Variants in CCR5AS observed in about 807,000 individuals in gnomAD.
CCR5AS encodes CCR5 antisense RNA.
At chr3:46,379,474 T>C (rs188531041) in intron 2 of CCR5AS, among the ~76,000 whole-genome samples, 61 of 152,280 alleles carry the variant, frequency 4.0e-4, no homozygotes, top group Middle Eastern at 3.4e-3. Flanking sequence ...ATTATTGTTA[T>C]TGTAACTGAA....
rs563908457 is a variant in CCR5AS at position 46,387,192 on chromosome 3, A to G, written n.391+5633T>C. 2.0e-4 allele frequency among the ~76,000 whole-genome samples: 30 copies of G among 152,312 alleles called. 1 individual carries two copies. Among genetic ancestry groups the G allele is most frequent in the African/African-American group, 7.0e-4 (29 of 41,568 alleles). On this transcript the variant is annotated intron_variant and non_coding_transcript_variant, in intron 2 of 3. Coordinates refer to ENST00000451485, the Ensembl canonical transcript of CCR5AS. Reference sequence around the variant, plus strand: ...AGTGTGTACTACCCAAGATGAGTCAATCGGATCCTAGCTTCCAGAAATCGT... The same window carrying G: ...AGTGTGTACTACCCAAGATGAGTCAGTCGGATCCTAGCTTCCAGAAATCGT...
rs558114364 is a variant in CCR5AS, at chr3:46,406,733, G to A, written n.163+164C>T. Among the ~76,000 whole-genome samples the A allele has an allele frequency of 5.9e-5, 9 of 152,192 alleles. No individual in the cohort carries two copies. The South Asian group carries it at 1.9e-3, about 32-fold the overall frequency. ...GCTTTCCTCAGTGTTGACACCCAGG[G>A]CAGCCCTATGCTCACTGCCGCTGAG... On this transcript the variant is annotated intron_variant and non_coding_transcript_variant, in intron 1 of 3. Coordinates refer to ENST00000451485, the Ensembl canonical transcript of CCR5AS.
At chr3:46,367,562 T>C (rs1467251816) in intron 3 of CCR5AS, among the ~76,000 whole-genome samples, 2 of 152,198 alleles carry the variant, frequency 1.3e-5, no homozygotes, top group African/African-American at 4.8e-5. Context: ...GGTTTTATAA[T>C]TAGACATTTT....
chr3:46,366,078 C>A (rs1701595705), intron 3 of CCR5AS, among the ~76,000 whole-genome samples: 1 of 152,218 alleles, frequency 6.6e-6, no homozygotes, highest in South Asian at 2.1e-4. Context: ...CCCACTTCTA[C>A]AATCCATTCA....
chr3:46,379,575 G>A (rs1035967636), intron 2 of CCR5AS, among the ~76,000 whole-genome samples: 2 of 152,126 alleles, frequency 1.3e-5, no homozygotes, highest in African/African-American at 2.4e-5. Flanking sequence ...CCTCCTTCAG[G>A]GAAGAGGTGC....
intron 2 of CCR5AS, among the ~76,000 whole-genome samples, chr3:46,382,777 G>A (rs977755964): frequency 2.0e-5 from 3 of 152,202 alleles, no homozygotes; most frequent in Non-Finnish European, 4.4e-5. Context: ...GACAGTGTGA[G>A]TCTGGCATAT....
chr3:46,368,112 G>A (rs922370245), intron 3 of CCR5AS, among the ~76,000 whole-genome samples: 3 of 152,168 alleles, frequency 2.0e-5, no homozygotes, highest in South Asian at 2.1e-4. Flanking sequence ...GTGTGAGCAA[G>A]GAGACAGCAA....
At chr3:46,396,706 TC>T (rs1701964666) in intron 1 of CCR5AS, among the ~76,000 whole-genome samples, 1 of 152,118 alleles carries the variant, frequency 6.6e-6, no homozygotes, top group Non-Finnish European at 1.5e-5. Context: ...TCCCCTCAAT[TC>T]CTAATTCCTT....
intron 3 of CCR5AS, among the ~76,000 whole-genome samples, chr3:46,370,039 A>G (rs186785168): frequency 3.9e-5 from 6 of 152,270 alleles, no homozygotes; most frequent in Admixed American, 6.5e-5. Context: ...AGATTTTCAG[A>G]TGTCACCAAC....
chr3:46,394,279 G>A (rs1701940558), intron 1 of CCR5AS, among the ~76,000 whole-genome samples: 2 of 152,166 alleles, frequency 1.3e-5, no homozygotes, highest in East Asian at 1.9e-4. Flanking sequence ...TGTGGCTGAG[G>A]AGCCCTGCTC....
At chr3:46,396,074 A>C (rs1281475146) in intron 1 of CCR5AS, among the ~76,000 whole-genome samples, 1 of 152,246 alleles carries the variant, frequency 6.6e-6, no homozygotes, top group Non-Finnish European at 1.5e-5. Flanking sequence ...CCCAGACTGA[A>C]GACCAGGACC....
In CCR5AS at chr3:46,381,949, ATTAT is replaced by A. The variant is rs748218308; in HGVS notation, n.392-10536_392-10533del. Reference sequence around the variant, plus strand: ...TTACTGATACAGGAGCTAAAAAGAAATTATTTAGGTGGTTAGTGAGGGTCAGAGA... The same window carrying A: ...TTACTGATACAGGAGCTAAAAAGAAATTAGGTGGTTAGTGAGGGTCAGAGA... On this transcript the variant is annotated intron_variant and non_coding_transcript_variant, in intron 2 of 3. Coordinates refer to ENST00000451485, the Ensembl canonical transcript of CCR5AS. 4.6e-5 allele frequency among the ~76,000 whole-genome samples: 7 copies of A among 152,332 alleles called. No individual in the cohort carries two copies. The South Asian group carries it at 1.4e-3, about 32-fold the overall frequency.
At chr3:46,394,930 A>C (rs1365177380) in intron 1 of CCR5AS, among the ~76,000 whole-genome samples, 2 of 152,130 alleles carry the variant, frequency 1.3e-5, no homozygotes, top group Admixed American at 1.3e-4. Context: ...GAGGAGTTTC[A>C]AGATAGGGAG....
intron 2 of CCR5AS, among the ~76,000 whole-genome samples, chr3:46,381,436 C>T (rs1208394456): frequency 6.6e-6 from 1 of 152,176 alleles, no homozygotes; most frequent in Non-Finnish European, 1.5e-5. Context: ...CTTATACATC[C>T]TGGCATATGG....
At chr3:46,381,856 C>T (rs934631238) in intron 2 of CCR5AS, among the ~76,000 whole-genome samples, 4 of 152,178 alleles carry the variant, frequency 2.6e-5, no homozygotes, top group African/African-American at 9.7e-5. Flanking sequence ...GCTGTGGGAG[C>T]TTGGGCAAGT....
At chr3:46,391,382 A>G (rs1701912436) in intron 2 of CCR5AS, among the ~76,000 whole-genome samples, 1 of 152,168 alleles carries the variant, frequency 6.6e-6, no homozygotes, top group South Asian at 2.1e-4. Context: ...AGGCGAGGGT[A>G]ATTAAATCCT....
At chr3:46,399,957 A>G (rs1012959467) in intron 1 of CCR5AS, among the ~76,000 whole-genome samples, 6 of 152,164 alleles carry the variant, frequency 3.9e-5, no homozygotes, top group African/African-American at 1.4e-4. Context: ...TAAATTACCA[A>G]TGTATCTTGT....
intron 2 of CCR5AS, among the ~76,000 whole-genome samples, chr3:46,384,155 G>A (rs1701838476): frequency 1.3e-5 from 2 of 152,240 alleles, no homozygotes; most frequent in Admixed American, 1.3e-4. Flanking sequence ...TGAAATGCAA[G>A]GCATTTTATA....
At chr3:46,378,868 TG>T (rs1701786651) in intron 2 of CCR5AS, among the ~76,000 whole-genome samples, 1 of 152,218 alleles carries the variant, frequency 6.6e-6, no homozygotes, top group Non-Finnish European at 1.5e-5. Flanking sequence ...AAATGTTTTG[TG>T]ACTAAGCATT....
Sources: allele counts gnomAD v4.1 joint callset (sites outside exome capture counted in the v4.1 genomes callset), GRCh38; gene constraint gnomAD v4.1.1; transcripts MANE v1.5; gene names NCBI Gene and HGNC (gene_info 2026-07-23, HGNC 2026-07-21).